The following C4orf51 variants were observed in gnomAD, a reference collection of about 807,000 sequenced individuals.
The protein encoded by C4orf51 is uncharacterized protein C4orf51.
C4orf51 carries 25 observed loss-of-function variants against 25.2 expected under a neutral mutation model. That is an observed-to-expected ratio of 0.99 (90% CI 0.72 to 1.39). C4orf51 has a LOEUF of 1.39. Among genes scored for constraint, C4orf51 ranks in the 40% most tolerant of loss-of-function variants. The pLI is 0.00. For missense variants in C4orf51, 252 were observed against 239.6 expected, an observed-to-expected ratio of 1.05 and a Z score of -0.34; for synonymous variants, 100 against 84.5, an observed-to-expected ratio of 1.18 and a Z score of -1.01.
At chr4:145,781,212 A>AAAAAAG in the C4orf51 span, among the ~76,000 whole-genome samples, 1 of 127,106 alleles carries the variant, frequency 7.9e-6, no homozygotes, top group East Asian at 2.0e-4. Flanking sequence ...AAAAAAAAAA[A>AAAAAAG]AAAAAGAAAA....
chr4:145,686,521 A>G (rs1337124715), intron 1 of C4orf51, among the ~76,000 whole-genome samples: 1 of 152,168 alleles, frequency 6.6e-6, no homozygotes, highest in Non-Finnish European at 1.5e-5. Flanking sequence ...ATAACTGTAT[A>G]TACAGAGGGA....
chr4:145,701,417 C>T (rs1730433559), intron 2 of C4orf51, among the ~76,000 whole-genome samples: 2 of 152,042 alleles, frequency 1.3e-5, no homozygotes, highest in African/African-American at 2.4e-5. Flanking sequence ...GCCTGCAGCC[C>T]AGGATTCCTC....
In C4orf51 at chr4:145,765,635, C is replaced by T; in HGVS notation, n.167-5353C>T. On this transcript the variant is annotated intron_variant and non_coding_transcript_variant, in intron 1 of 1. Coordinates refer to the C4orf51 transcript ENST00000510096. The surrounding 1 kb of genome is among the most constrained non-coding windows in gnomAD (Gnocchi z 4.7). ...GCAGATTGTTCCCGCCCTTGTTTTT[C>T]TGGGAGCCATCTGAATCATCTTTGC... The T allele has an allele frequency of 6.2e-7, 1 of 1,614,142 alleles. No individual in the cohort carries two copies. The highest frequency in any genetic ancestry group is 8.5e-7 in the Non-Finnish European group (1 of 1,180,022).
chr4:145,706,272 T>C (rs1730806178), intron 2 of C4orf51, among the ~76,000 whole-genome samples: 1 of 152,240 alleles, frequency 6.6e-6, no homozygotes, highest in South Asian at 2.1e-4. Context: ...AGAATAATTA[T>C]GTACCATATA....
At chr4:145,776,513 C>T in the C4orf51 span, among the ~76,000 whole-genome samples, 3 of 150,122 alleles carry the variant, frequency 2.0e-5, no homozygotes, top group African/African-American at 4.9e-5. Flanking sequence ...AGATAACCTG[C>T]TTTTTTTTTC....
Position 145,749,063 on chromosome 4 carries a change from G to GTATATATATATA in C4orf51, n.168-5143_168-5142insATATATATATAT, listed in dbSNP as rs142948635. Among the ~76,000 whole-genome samples, 444 of 139,946 alleles carry GTATATATATATA rather than the reference G, an allele frequency of 3.2e-3. 1 individual carries two copies. The highest frequency in any genetic ancestry group is 5.4e-3 in the Non-Finnish European group (345 of 64,098). 91.8% of individuals were successfully genotyped at this position (139,946 alleles called of 152,430 possible). On this transcript the variant is annotated intron_variant and non_coding_transcript_variant, in intron 1 of 1. Transcript: ENST00000508981. ...CCTGGATGCTCCAATGTGTGTGTGTGTGTATATATATATATATATATATGT... is the reference window on the plus strand; with the variant it reads ...CCTGGATGCTCCAATGTGTGTGTGTGTATATATATATATGTATATATATATATATATATATGT...
intron 2 of C4orf51, among the ~76,000 whole-genome samples, chr4:145,723,189 T>A (rs1212114669): frequency 6.6e-6 from 1 of 152,144 alleles, no homozygotes; most frequent in Non-Finnish European, 1.5e-5. Context: ...GACTGCTGCA[T>A]AAAGACACTT....
chr4:145,685,276 G>A, intron 1 of C4orf51, among the ~76,000 whole-genome samples: 1 of 152,130 alleles, frequency 6.6e-6, no homozygotes, highest in East Asian at 1.9e-4. Context: ...CTGCTGTAAA[G>A]ACCATATTTT....
rs1734579937 is a variant in C4orf51, at chr4:145,761,940, G to A, written n.167-9048G>A. 6.6e-6 allele frequency among the ~76,000 whole-genome samples: 1 copy of A among 151,438 alleles called. No homozygotes were observed. The highest frequency in any genetic ancestry group is 1.5e-5 in the Non-Finnish European group (1 of 67,876). On this transcript the variant is annotated intron_variant and non_coding_transcript_variant, in intron 1 of 1. Coordinates refer to the C4orf51 transcript ENST00000510096. This position sits in a 1 kb window ranked among gnomAD's most constrained non-coding sequence, Gnocchi z 6.8. ...CCCTCCAGCCCCCGCCCGGCCCCTCGGAGCCCTCCCCACTCCCGACCAGAC... is the reference window on the plus strand; with the variant it reads ...CCCTCCAGCCCCCGCCCGGCCCCTCAGAGCCCTCCCCACTCCCGACCAGAC...
chr4:145,704,077 A>G (rs2126711705), intron 2 of C4orf51, among the ~76,000 whole-genome samples: 1 of 152,344 alleles, frequency 6.6e-6, no homozygotes, highest in African/African-American at 2.4e-5. Context: ...AGAAACAGGT[A>G]AATCAGGCTT....
At chr4:145,693,890 G>T (rs1279921477) in intron 1 of C4orf51, among the ~76,000 whole-genome samples, 2 of 130,192 alleles carry the variant, frequency 1.5e-5, no homozygotes, top group Admixed American at 7.7e-5. Context: ...GGGCGGAGAC[G>T]CTCCTCACTT....
intron 1 of C4orf51, among the ~76,000 whole-genome samples, chr4:145,753,662 T>C (rs10033765): frequency 0.013 from 2,029 of 152,276 alleles, 41 homozygotes; most frequent in African/African-American, 0.045. Flanking sequence ...ACCCCTTTCA[T>C]GGTGAGTTTG....
At chr4:145,729,847 CTCTT>C in intron 4 of C4orf51, 41 bp from the exon 5 acceptor site, 1 of 1,520,218 alleles carries the variant, frequency 6.6e-7, no homozygotes, top group South Asian at 1.1e-5. Flanking sequence ...ATGGTAGACT[CTCTT>C]TATCGCAAAC....
chr4:145,786,649 G>A, the C4orf51 span, among the ~76,000 whole-genome samples: 1 of 152,184 alleles, frequency 6.6e-6, no homozygotes, highest in South Asian at 2.1e-4. Flanking sequence ...TCAGACTCCA[G>A]CCCTACTGGC....
rs1734582280 is a variant in C4orf51, at chr4:145,761,952, A to C, written n.167-9036A>C. On this transcript the variant is annotated intron_variant and non_coding_transcript_variant, in intron 1 of 1. Coordinates refer to the C4orf51 transcript ENST00000510096. This position sits in a 1 kb window ranked among gnomAD's most constrained non-coding sequence, Gnocchi z 6.8. ...CGCCCGGCCCCTCGGAGCCCTCCCC[A>C]CTCCCGACCAGACAGCGCAGAGGTC... Among the ~76,000 whole-genome samples the C allele has an allele frequency of 6.8e-6, 1 of 147,074 alleles. No homozygotes were observed.
Position 145,718,693 on chromosome 4 carries a change from G to A in C4orf51, c.308-8218G>A, listed in dbSNP as rs115680744. On this transcript the variant is annotated intron_variant, in intron 2 of 5. Coordinates refer to ENST00000438731, the MANE Select transcript of C4orf51 (RefSeq NM_001080531.3). Reference sequence around the variant, plus strand: ...AATCCTAATTTTTTACCATGGCCTGGAAGGTCTTGCACGAATGTGACCTTG... The same window carrying A: ...AATCCTAATTTTTTACCATGGCCTGAAAGGTCTTGCACGAATGTGACCTTG... Among the ~76,000 whole-genome samples the A allele has an allele frequency of 6.9e-3, 1,050 of 152,298 alleles. 7 individuals carry two copies. The highest frequency in any genetic ancestry group is 0.011 in the Non-Finnish European group (776 of 68,030).
At chr4:145,733,739 C>G (rs1461583039), downstream of C4orf51, among the ~76,000 whole-genome samples, 1 of 152,162 alleles carries the variant, frequency 6.6e-6, no homozygotes, top group East Asian at 1.9e-4. Context: ...TGGTCTGATT[C>G]CCGGCAACCT....
intron 2 of C4orf51, among the ~76,000 whole-genome samples, chr4:145,708,991 G>A (rs960474360): frequency 2.3e-4 from 35 of 152,212 alleles, no homozygotes; most frequent in African/African-American, 8.2e-4. Context: ...GAAGGGCATG[G>A]AAGTGATTAG....
At chr4:145,755,642 T>C (rs1177023235), downstream of C4orf51, among the ~76,000 whole-genome samples, 1 of 152,200 alleles carries the variant, frequency 6.6e-6, no homozygotes, top group African/African-American at 2.4e-5. Flanking sequence ...CCTTCAGATG[T>C]TGTACAGGGA....
Sources: allele counts gnomAD v4.1 joint callset (sites outside exome capture counted in the v4.1 genomes callset), GRCh38; gene constraint gnomAD v4.1.1; non-coding constraint Gnocchi (gnomAD v3.1); transcripts MANE v1.5; gene names NCBI Gene and HGNC (gene_info 2026-07-23, HGNC 2026-07-21).